Variants in CRISP3 observed in about 807,000 individuals in gnomAD.
The protein encoded by CRISP3 is cysteine rich secretory protein 3.
In CRISP3, 33 loss-of-function variants were observed where a neutral mutation model predicts 36.1. That is an observed-to-expected ratio of 0.91 (90% CI 0.69 to 1.22). The LOEUF (loss-of-function observed/expected upper bound fraction) is 1.22. Ranked by LOEUF, CRISP3 falls within the 50% of genes most tolerant of loss-of-function variation. CRISP3 has a pLI of 0.00. For missense variants in CRISP3, 330 were observed against 301.2 expected (o/e 1.10, Z -0.71); for synonymous variants, 117 against 104.6 (o/e 1.12, Z -0.72).
At chr6:49,737,503 A>T in intron 1 of CRISP3, 105 bp from the exon 2 acceptor site, 2 of 1,144,156 alleles carry the variant, frequency 1.7e-6, no homozygotes, top group Non-Finnish European at 2.6e-6. Context: ...CATTATCCCA[A>T]ATTCATTATT....
At chr6:49,735,928 A>C (rs931412823) in intron 3 of CRISP3, among the ~76,000 whole-genome samples, 3 of 152,154 alleles carry the variant, frequency 2.0e-5, no homozygotes, top group Admixed American at 1.3e-4. Context: ...TTTTCCAACA[A>C]TGAAGTAATT....
chr6:49,740,490 CAG>C (rs919615867), intron 1 of CRISP3, among the ~76,000 whole-genome samples: 1 of 147,562 alleles, frequency 6.8e-6, no homozygotes, highest in Non-Finnish European at 1.5e-5. Flanking sequence ...AAGAGGGAAA[CAG>C]GGATTCCAAG....
chr6:49,737,966 C>T (rs1005980300), intron 1 of CRISP3, among the ~76,000 whole-genome samples: 2 of 152,124 alleles, frequency 1.3e-5, no homozygotes, highest in Non-Finnish European at 2.9e-5. Flanking sequence ...TTATGCATAC[C>T]TTTAAACTAC....
intron 2 of CRISP3, 120 bp downstream of exon 2, chr6:49,737,202 CTAA>C: frequency 1.4e-6 from 1 of 699,026 alleles, no homozygotes; most frequent in Non-Finnish European, 2.5e-6. Flanking sequence ...CCTTGAGCTA[CTAA>C]TGAGTACTTT....
intron 2 of CRISP3, among the ~76,000 whole-genome samples, chr6:49,736,824 A>G (rs1769064264): frequency 6.6e-6 from 1 of 152,140 alleles, no homozygotes; most frequent in Non-Finnish European, 1.5e-5. Context: ...TGACAAGGGT[A>G]CATGATAGTA....
intron 6 of CRISP3, 24 bp downstream of exon 6, chr6:49,733,171 A>G: frequency 7.4e-7 from 1 of 1,360,186 alleles, no homozygotes; most frequent in South Asian, 1.3e-5. Flanking sequence ...ATTATTGACA[A>G]TAAACGCTAA....
intron 1 of CRISP3, among the ~76,000 whole-genome samples, chr6:49,741,316 T>G (rs1243544265): frequency 6.6e-6 from 1 of 152,178 alleles, no homozygotes; most frequent in South Asian, 2.1e-4. Context: ...TGCTGTTTTT[T>G]CCTGAAATGT....
At chr6:49,731,699 T>TAA (rs3837035) in intron 6 of CRISP3, among the ~76,000 whole-genome samples, 47 of 151,474 alleles carry the variant, frequency 3.1e-4, no homozygotes, top group African/African-American at 9.7e-4. Flanking sequence ...TAATTAAAAA[T>TAA]AAAAAAAAAC....
Position 49,728,688 on chromosome 6 carries a change from T to C in CRISP3, c.*42A>G, listed in dbSNP as rs752505185. 2.6e-6 allele frequency: 4 copies of C among 1,511,694 alleles called. No homozygotes were observed. The South Asian group carries it at 5.6e-5, about 21-fold the overall frequency. 93.6% of individuals were successfully genotyped at this position (1,511,694 alleles called of 1,614,324 possible). On this transcript the variant is annotated 3_prime_UTR_variant, in exon 8 of 8. Coordinates refer to ENST00000263045, the MANE Select transcript of CRISP3 (RefSeq NM_006061.4). ...AGATGCCAAATCTAAGTAGATAATC[T>C]GACTCCTCTCTACATAGCCCTACTC...
At chr6:49,740,315 AT>A (rs1416529574) in intron 1 of CRISP3, among the ~76,000 whole-genome samples, 11 of 152,234 alleles carry the variant, frequency 7.2e-5, no homozygotes, top group Middle Eastern at 3.2e-3. Flanking sequence ...GGAAATAAGG[AT>A]TTGCAAATTA....
At chr6:49,736,289 G>A in intron 3 of CRISP3, 102 bp downstream of exon 3, 1 of 750,466 alleles carries the variant, frequency 1.3e-6, no homozygotes, top group Non-Finnish European at 2.3e-6. Flanking sequence ...AATACAGAGA[G>A]AACTTTGTAA....
chr6:49,739,358 G>C (rs1769140913), intron 1 of CRISP3, among the ~76,000 whole-genome samples: 1 of 152,166 alleles, frequency 6.6e-6, no homozygotes, highest in African/African-American at 2.4e-5. Context: ...ACATGATCAA[G>C]TGAACAAGAC....
intron 5 of CRISP3, 25 bp downstream of exon 5, chr6:49,733,678 A>T (rs1768969801): frequency 6.3e-7 from 1 of 1,590,168 alleles, no homozygotes; most frequent in African/African-American, 1.4e-5. Flanking sequence ...TATAAAGGAG[A>T]TGGTTTTTCA....
intron 1 of CRISP3, among the ~76,000 whole-genome samples, chr6:49,737,914 G>T (rs1285687393): frequency 6.6e-6 from 1 of 152,140 alleles, no homozygotes; most frequent in Non-Finnish European, 1.5e-5. Flanking sequence ...TCATATACTT[G>T]CCATTCTTCA....
At chr6:49,739,745 A>G (rs534340135) in intron 1 of CRISP3, among the ~76,000 whole-genome samples, 1 of 151,396 alleles carries the variant, frequency 6.6e-6, no homozygotes, top group South Asian at 2.1e-4. Context: ...GTAGCGTCAC[A>G]TAGAAGGTAC....
chr6:49,743,791 T>G (rs1769264696), intron 1 of CRISP3, among the ~76,000 whole-genome samples: 1 of 151,760 alleles, frequency 6.6e-6, no homozygotes, highest in South Asian at 2.1e-4. Flanking sequence ...CTTTTTTTTT[T>G]GTTTTTGATC....
chr6:49,728,749 C>A lies in CRISP3; in HGVS notation c.758G>T (p.Cys253Phe). ...VRDSCKASCN[C>F]SNSIY ...GCGTATTTAATAAATGCTGTTTGAA[C>A]AATTGCAGGAGGCCTTGCAACTGTC... Residue 253 changes from cysteine (C) to phenylalanine (F), a missense_variant, in exon 8 of 8, where the codon TGT (cysteine) becomes TTT (phenylalanine). Physicochemically the swap from Cys to Phe is radical, Grantham distance 205. Coordinates refer to ENST00000263045, the MANE Select transcript of CRISP3 (RefSeq NM_006061.4). 6.2e-7 allele frequency: 1 copy of A among 1,611,542 alleles called. No homozygotes were observed. The highest frequency in any genetic ancestry group is 8.5e-7 in the Non-Finnish European group (1 of 1,178,732).
At chr6:49,743,234 C>A (rs547851263) in intron 1 of CRISP3, among the ~76,000 whole-genome samples, 2 of 152,072 alleles carry the variant, frequency 1.3e-5, no homozygotes, top group Admixed American at 1.3e-4. Context: ...AATAACGTAA[C>A]TGAAATTCAT....
At chr6:49,741,025 C>T (rs559364082) in intron 1 of CRISP3, among the ~76,000 whole-genome samples, 55 of 151,338 alleles carry the variant, frequency 3.6e-4, no homozygotes, top group African/African-American at 1.2e-3. Context: ...GGCGTGAACT[C>T]GGGAGGCAGA....
Sources: allele counts gnomAD v4.1 joint callset (sites outside exome capture counted in the v4.1 genomes callset), GRCh38; gene constraint gnomAD v4.1.1; transcripts MANE v1.5; gene names NCBI Gene and HGNC (gene_info 2026-07-23, HGNC 2026-07-21).